GALNT13: variants seen among roughly 807,000 people sequenced by gnomAD.
GALNT13 encodes the protein polypeptide N-acetylgalactosaminyltransferase 13, also known as UDP-GalNAc:polypeptide N-acetylgalactosaminyltransferase 13.
Under a neutral mutation model 64.2 loss-of-function variants are expected in GALNT13, and 28 were observed. The observed-to-expected ratio is 0.44, with a 90% CI of 0.32 to 0.60. The LOEUF (loss-of-function observed/expected upper bound fraction) is 0.60. Ranked by LOEUF, GALNT13 falls within the 20% of genes least tolerant of loss-of-function variation. The pLI is 0.05. For synonymous variants in GALNT13, 214 were observed against 224.6 expected, an observed-to-expected ratio of 0.95 and a Z score of 0.42; for missense variants, 577 against 669.8, an observed-to-expected ratio of 0.86 and a Z score of 1.53.
intron 4 of GALNT13, among the ~76,000 whole-genome samples, chr2:154,234,248 TTA>T (rs1689075721): frequency 6.6e-6 from 1 of 152,166 alleles, no homozygotes; most frequent in Non-Finnish European, 1.5e-5. Flanking sequence ...CCAAATAATT[TTA>T]GAGATCTTAT....
chr2:153,794,369 A>G, the GALNT13 span, among the ~76,000 whole-genome samples: 1 of 152,084 alleles, frequency 6.6e-6, no homozygotes, highest in Non-Finnish European at 1.5e-5. Context: ...TTTTAGAGTT[A>G]ATTTATTATT....
chr2:153,571,736 T>G, the GALNT13 span, among the ~76,000 whole-genome samples: 1 of 152,078 alleles, frequency 6.6e-6, no homozygotes, highest in Non-Finnish European at 1.5e-5. Context: ...TCTGTTGATA[T>G]GATGTATCAC....
the GALNT13 span, among the ~76,000 whole-genome samples, chr2:153,179,774 C>T: frequency 4.9e-4 from 74 of 152,190 alleles, no homozygotes; most frequent in African/African-American, 1.7e-3. Flanking sequence ...CTTCCTTCCA[C>T]AGAAAGTTTT....
chr2:154,081,351 G>A lies in GALNT13; in HGVS notation c.143-58986G>A, dbSNP rs577445009. On this transcript the variant is annotated intron_variant, in intron 3 of 12. Coordinates refer to ENST00000392825, the MANE Select transcript of GALNT13 (RefSeq NM_052917.4). ...TCTTAGCCTTCTACCTTCTGTTGCC[G>A]TTCCAAGGCTATTACTGTTTAGAGC... Among the ~76,000 whole-genome samples, 235 of 151,614 alleles carry A rather than the reference G, an allele frequency of 1.5e-3. 1 individual carries two copies. Among genetic ancestry groups the A allele is most frequent in the African/African-American group, 4.9e-3 (204 of 41,452 alleles).
chr2:154,450,737 A>G lies in GALNT13; in HGVS notation c.*186A>G, dbSNP rs1488763520. 1.9e-6 allele frequency: 1 copy of G among 529,072 alleles called. No homozygotes were observed. Among genetic ancestry groups the G allele is most frequent in the South Asian group, 3.2e-5 (1 of 31,728 alleles). The allele number at this position is 529,072 out of a possible 1,614,324, so 32.8% of individuals were successfully genotyped here. A position where few individuals can be genotyped will look rare whatever the true frequency, so the allele number is the denominator to read the frequency against. On this transcript the variant is annotated 3_prime_UTR_variant, in exon 13 of 13. Transcript: ENST00000392825. ...TCCCTACTAAAATTTGTATCTGATC[A>G]AAGCACATAAGAATATAAATAATAG... is the stretch of plus-strand genomic sequence containing the variant.
chr2:153,153,916 T>G, the GALNT13 span, among the ~76,000 whole-genome samples: 1 of 152,122 alleles, frequency 6.6e-6, no homozygotes, highest in African/African-American at 2.4e-5. Context: ...TAAAATAATC[T>G]TTTCCAATTC....
the GALNT13 span, among the ~76,000 whole-genome samples, chr2:153,320,425 G>C: frequency 1.3e-5 from 2 of 152,102 alleles, no homozygotes; most frequent in Non-Finnish European, 2.9e-5. Context: ...CCTAAGCTCT[G>C]TGCTTCTAGA....
the GALNT13 span, among the ~76,000 whole-genome samples, chr2:153,760,743 C>T: frequency 5.3e-5 from 8 of 152,086 alleles, no homozygotes; most frequent in South Asian, 2.1e-4. Flanking sequence ...CTATTACATC[C>T]GTTTGGTCTA....
chr2:153,667,497 C>A, the GALNT13 span, among the ~76,000 whole-genome samples: 1 of 152,108 alleles, frequency 6.6e-6, no homozygotes, highest in Non-Finnish European at 1.5e-5. Context: ...AAAGAAATTC[C>A]AACCAATAAT....
At chr2:153,782,946 C>T in the GALNT13 span, among the ~76,000 whole-genome samples, 22 of 152,134 alleles carry the variant, frequency 1.4e-4, no homozygotes, top group South Asian at 4.1e-4. Context: ...CCCAGGTGAG[C>T]GTGCTTGAAG....
At chr2:154,401,458 T>C (rs1476851621) in intron 10 of GALNT13, among the ~76,000 whole-genome samples, 1 of 152,138 alleles carries the variant, frequency 6.6e-6, no homozygotes. Flanking sequence ...ACTCAGTAGC[T>C]AATTTTTATC....
intron 4 of GALNT13, among the ~76,000 whole-genome samples, chr2:154,158,511 T>C (rs1684553309): frequency 6.6e-6 from 1 of 152,210 alleles, no homozygotes; most frequent in Non-Finnish European, 1.5e-5. Context: ...GTTGTTATGT[T>C]TAATTTTCTT....
At chr2:154,044,422 T>C (rs1699176446) in intron 3 of GALNT13, among the ~76,000 whole-genome samples, 1 of 152,212 alleles carries the variant, frequency 6.6e-6, no homozygotes, top group East Asian at 1.9e-4. Context: ...GATCATTCAG[T>C]GTCAGTCATG....
intron 9 of GALNT13, among the ~76,000 whole-genome samples, chr2:154,344,481 A>G (rs1224217352): frequency 6.6e-6 from 1 of 152,102 alleles, no homozygotes; most frequent in Admixed American, 6.6e-5. Context: ...TGGGGAAAAA[A>G]TTGTTGAAAT....
the GALNT13 span, among the ~76,000 whole-genome samples, chr2:153,393,885 C>T: frequency 6.6e-6 from 1 of 151,646 alleles, no homozygotes; most frequent in Non-Finnish European, 1.5e-5. Context: ...TTGAATTTAC[C>T]ACCCTCTATA....
intron 3 of GALNT13, among the ~76,000 whole-genome samples, chr2:154,115,657 G>A (rs1303220351): frequency 6.6e-6 from 1 of 152,062 alleles, no homozygotes; most frequent in African/African-American, 2.4e-5. Flanking sequence ...CTGACCTCAG[G>A]TGATCTGCCC....
chr2:153,801,391 A>G, the GALNT13 span, among the ~76,000 whole-genome samples: 1 of 151,422 alleles, frequency 6.6e-6, no homozygotes, highest in Non-Finnish European at 1.5e-5. Context: ...GAGATGTGTG[A>G]CACTTCCTTT....
chr2:153,635,476 T>C, the GALNT13 span, among the ~76,000 whole-genome samples: 1 of 108,548 alleles, frequency 9.2e-6, no homozygotes, highest in Non-Finnish European at 2.1e-5. Flanking sequence ...ACGTTTGTTT[T>C]TAACTTACCT....
the GALNT13 span, among the ~76,000 whole-genome samples, chr2:153,356,211 G>T: frequency 6.6e-6 from 1 of 152,122 alleles, no homozygotes; most frequent in East Asian, 1.9e-4. Context: ...TCACCCCAAA[G>T]AAATTCAGAA....
Sources: allele counts gnomAD v4.1 joint callset (sites outside exome capture counted in the v4.1 genomes callset), GRCh38; gene constraint gnomAD v4.1.1; transcripts MANE v1.5; gene names NCBI Gene and HGNC (gene_info 2026-07-23, HGNC 2026-07-21).